Variants in GRID2 observed in about 807,000 individuals in gnomAD.
GRID2 encodes the protein glutamate ionotropic receptor delta type subunit 2.
GRID2 carries 33 observed loss-of-function variants against 114.8 expected under a neutral mutation model. That is an observed-to-expected ratio of 0.29 (90% CI 0.22 to 0.38). The LOEUF (loss-of-function observed/expected upper bound fraction) is 0.38, where lower values mean the gene tolerates loss of function less well. Among genes scored for constraint, GRID2 ranks in the 10% least tolerant of loss-of-function variants. The pLI is 1.00. For synonymous variants in GRID2, 505 were observed against 449.9 expected, an observed-to-expected ratio of 1.12 and a Z score of -1.55; for missense variants, 1,184 against 1,257.7, an observed-to-expected ratio of 0.94 and a Z score of 0.89.
intron 4 of GRID2, among the ~76,000 whole-genome samples, chr4:93,124,900 C>A (rs570825328): frequency 6.6e-6 from 1 of 152,208 alleles, no homozygotes; most frequent in African/African-American, 2.4e-5. Flanking sequence ...ATGTGTCTAT[C>A]CAATAGTAAA....
At chr4:93,244,582 ATTATAT>A (rs1463836895) in intron 8 of GRID2, among the ~76,000 whole-genome samples, 3 of 36,692 alleles carry the variant, frequency 8.2e-5, no homozygotes, top group African/African-American at 2.4e-4. Flanking sequence ...TAATTAATAG[ATTATAT>A]AATCTATTAT....
intron 8 of GRID2, among the ~76,000 whole-genome samples, chr4:93,276,634 T>C (rs910301435): frequency 3.9e-5 from 6 of 152,030 alleles, no homozygotes; most frequent in Non-Finnish European, 8.8e-5. Context: ...GTACAAGTCT[T>C]ACTCTTGTTA....
chr4:92,791,415 A>ATAAAAAT (rs1273702914), intron 2 of GRID2, among the ~76,000 whole-genome samples: 1 of 151,866 alleles, frequency 6.6e-6, no homozygotes, highest in African/African-American at 2.4e-5. Flanking sequence ...CTGAGTACAC[A>ATAAAAAT]ATCTGCACAT....
intron 8 of GRID2, among the ~76,000 whole-genome samples, chr4:93,252,280 T>C (rs1227732532): frequency 6.6e-6 from 1 of 152,014 alleles, no homozygotes; most frequent in African/African-American, 2.4e-5. Flanking sequence ...ATTTCCTGCA[T>C]ATGGCTAGCC....
chr4:92,874,820 T>G (rs1022782185), intron 2 of GRID2, among the ~76,000 whole-genome samples: 17 of 152,352 alleles, frequency 1.1e-4, no homozygotes, highest in Middle Eastern at 3.4e-3. Flanking sequence ...GATAATTGCA[T>G]CACTCTTCAA....
intron 1 of GRID2, among the ~76,000 whole-genome samples, chr4:93,801,112 A>G (rs929488838): frequency 3.9e-5 from 6 of 152,108 alleles, no homozygotes; most frequent in South Asian, 2.1e-4. Context: ...AAGCTTGGTA[A>G]TATACCTGCA....
At chr4:93,172,950 C>A (rs1341133564) in intron 4 of GRID2, among the ~76,000 whole-genome samples, 1 of 151,566 alleles carries the variant, frequency 6.6e-6, no homozygotes, top group Non-Finnish European at 1.5e-5. Flanking sequence ...TATTGCTCTG[C>A]CAAGTTTCTT....
rs545617321 is a variant in GRID2, at chr4:93,113,156, G to A, written c.735+2203G>A. On this transcript the variant is annotated intron_variant, in intron 4 of 15. Coordinates refer to ENST00000282020, the MANE Select transcript of GRID2 (RefSeq NM_001510.4). ...TGAGCTAGCAGTGGATTCTTCAGGT[G>A]GTCTTAACTATGTTTTAACACCTTT... Among the ~76,000 whole-genome samples the A allele has an allele frequency of 4.6e-5, 7 of 152,150 alleles. No individual in the cohort carries two copies. The South Asian group carries it at 1.5e-3, about 32-fold the overall frequency.
chr4:92,561,921 CTA>C (rs1016797801), intron 1 of GRID2, among the ~76,000 whole-genome samples: 2 of 152,204 alleles, frequency 1.3e-5, no homozygotes, highest in African/African-American at 4.8e-5. Flanking sequence ...GGTGCTGTGA[CTA>C]TGAAAATTTC....
intron 2 of GRID2, among the ~76,000 whole-genome samples, chr4:92,660,547 C>T (rs1732466419): frequency 6.6e-6 from 1 of 151,214 alleles, no homozygotes; most frequent in Non-Finnish European, 1.5e-5. Flanking sequence ...TAGTGTATTA[C>T]TTAGAAGAGT....
chr4:92,710,195 C>G (rs1003272508), intron 2 of GRID2, among the ~76,000 whole-genome samples: 1 of 152,076 alleles, frequency 6.6e-6, no homozygotes, highest in East Asian at 1.9e-4. Context: ...TGATAGATTT[C>G]CAGCCACTTC....
chr4:93,352,104 A>G (rs1760860323), intron 8 of GRID2, among the ~76,000 whole-genome samples: 1 of 152,076 alleles, frequency 6.6e-6, no homozygotes, highest in Non-Finnish European at 1.5e-5. Flanking sequence ...GCAAGATTAG[A>G]GAGCACTTAA....
intron 13 of GRID2, among the ~76,000 whole-genome samples, chr4:93,526,911 T>A (rs1730962539): frequency 6.6e-6 from 1 of 152,240 alleles, no homozygotes; most frequent in Non-Finnish European, 1.5e-5. Flanking sequence ...TTGTTTAATT[T>A]CCATTTTGAC....
chr4:93,720,087 A>C (rs2110191555), intron 14 of GRID2, among the ~76,000 whole-genome samples: 1 of 152,318 alleles, frequency 6.6e-6, no homozygotes, highest in Non-Finnish European at 1.5e-5. Flanking sequence ...GTATAACATT[A>C]GATTTTAATG....
chr4:93,162,631 G>A (rs1051682188), intron 4 of GRID2, among the ~76,000 whole-genome samples: 2 of 151,798 alleles, frequency 1.3e-5, no homozygotes, highest in African/African-American at 4.8e-5. Flanking sequence ...TTATTTTACA[G>A]GTACATCATC....
chr4:93,166,323 A>C (rs1311997658), intron 4 of GRID2, among the ~76,000 whole-genome samples: 1 of 152,178 alleles, frequency 6.6e-6, no homozygotes, highest in Non-Finnish European at 1.5e-5. Flanking sequence ...AGAAGGAGTT[A>C]TAGCCACTGG....
At position 93,029,934 on chromosome 4, in the gene GRID2, A is replaced by G. The variant is rs114576434; in HGVS notation, c.245-55061A>G. Reference sequence around the variant, plus strand: ...TGCTCTTTCTTAGCATGCAAATAAAACTGCATGAGGGCTAACAGCTGCTCT... The same window carrying G: ...TGCTCTTTCTTAGCATGCAAATAAAGCTGCATGAGGGCTAACAGCTGCTCT... On this transcript the variant is annotated intron_variant, in intron 2 of 15. Coordinates refer to ENST00000282020, the MANE Select transcript of GRID2 (RefSeq NM_001510.4). 4.5e-3 allele frequency among the ~76,000 whole-genome samples: 689 copies of G among 152,304 alleles called. 7 individuals carry two copies. The highest frequency in any genetic ancestry group is 0.016 in the African/African-American group (664 of 41,574).
intron 8 of GRID2, among the ~76,000 whole-genome samples, chr4:93,354,839 A>G (rs2149265993): frequency 6.8e-6 from 1 of 146,992 alleles, no homozygotes; most frequent in South Asian, 2.1e-4. Context: ...TATAATATAT[A>G]TAAAATGTTC....
chr4:92,438,494 G>A (rs1732847087), intron 1 of GRID2, among the ~76,000 whole-genome samples: 1 of 151,730 alleles, frequency 6.6e-6, no homozygotes, highest in South Asian at 2.1e-4. Context: ...TATATGTGAT[G>A]AGGCATCTAA....
Sources: gnomAD v4.1 joint callset for allele counts (sites outside exome capture counted in the v4.1 genomes callset) on GRCh38, gnomAD v4.1.1 for gene constraint, MANE v1.5 for transcripts, NCBI Gene and HGNC (gene_info 2026-07-23, HGNC 2026-07-21) for gene names.